The following TBL1X variants were observed in gnomAD, a reference collection of about 807,000 sequenced individuals.
TBL1X encodes F-box-like/WD repeat-containing protein TBL1X.
A neutral mutation model predicts 50.7 loss-of-function variants in TBL1X; 10 were observed. The ratio of observed to expected loss-of-function variants is 0.20; its 90% CI spans 0.12 to 0.33. The LOEUF (loss-of-function observed/expected upper bound fraction) is 0.33, where lower values mean the gene tolerates loss of function less well. TBL1X is among the 10% of genes least tolerant of loss of function. TBL1X has a pLI of 1.00. For synonymous variants in TBL1X, 190 were observed against 214.7 expected, an observed-to-expected ratio of 0.88 and a Z score of 1.01; for missense variants, 340 against 504.4, an observed-to-expected ratio of 0.67 and a Z score of 3.12.
intron 5 of TBL1X, among the ~76,000 whole-genome samples, chrX:9,666,834 T>C (rs1018849030): frequency 1.8e-5 from 2 of 111,898 alleles, no homozygotes; most frequent in African/African-American, 6.5e-5. Context: ...CTACTGAGAA[T>C]TAACATTGTA....
intron 2 of TBL1X, among the ~76,000 whole-genome samples, chrX:9,584,967 T>C (rs1181584482): frequency 9.0e-6 from 1 of 111,448 alleles, no homozygotes; most frequent in African/African-American, 3.3e-5. Context: ...AATTGTACAC[T>C]TGAAAATGGT....
At chrX:9,511,084 A>G (rs1312155392) in intron 2 of TBL1X, among the ~76,000 whole-genome samples, 1 of 112,337 alleles carries the variant, frequency 8.9e-6, no homozygotes, top group Non-Finnish European at 1.9e-5. Context: ...TGTGGCCCAC[A>G]AAGTAGAAAA....
chrX:9,544,666 G>T (rs1016909960), intron 2 of TBL1X, among the ~76,000 whole-genome samples: 1 of 111,349 alleles, frequency 9.0e-6, no homozygotes, highest in Non-Finnish European at 1.9e-5. Context: ...GAGTTCAAGC[G>T]ATTCTCCTGC....
chrX:9,524,698 T>C (rs2083182343), intron 2 of TBL1X, among the ~76,000 whole-genome samples: 1 of 112,461 alleles, frequency 8.9e-6, no homozygotes. Flanking sequence ...TGCACAAATA[T>C]TTCCTTAAGA....
At chrX:9,704,227 T>C (rs908730313) in intron 12 of TBL1X, among the ~76,000 whole-genome samples, 5 of 112,367 alleles carry the variant, frequency 4.4e-5, no homozygotes, top group Non-Finnish European at 1.9e-5. Flanking sequence ...AATTATCCCC[T>C]AGTCAAGGGG....
chrX:9,711,966 C>T (rs745526464), intron 16 of TBL1X, among the ~76,000 whole-genome samples, 190 bp downstream of exon 16: 6 of 112,443 alleles, frequency 5.3e-5, no homozygotes, highest in South Asian at 3.7e-4. Context: ...CAGACACCTC[C>T]GGCAGCTCCC....
intron 2 of TBL1X, among the ~76,000 whole-genome samples, chrX:9,619,218 C>G (rs1307555206): frequency 8.9e-6 from 1 of 112,512 alleles, no homozygotes; most frequent in Non-Finnish European, 1.9e-5. Context: ...CCCCGCAAGT[C>G]TGGCCTGAAC....
chrX:9,567,280 G>A (rs2082356063), intron 2 of TBL1X, among the ~76,000 whole-genome samples: 1 of 111,429 alleles, frequency 9.0e-6, no homozygotes, highest in Non-Finnish European at 1.9e-5. Flanking sequence ...GTGTAGGCTG[G>A]TGCATTGGCG....
At chrX:9,716,110 A>G in intron 17 of TBL1X, 110 bp from the exon 18 acceptor site, 1 of 818,459 alleles carries the variant, frequency 1.2e-6, no homozygotes, top group Non-Finnish European at 1.8e-6. Flanking sequence ...ACTGACAAAC[A>G]TCGGTGGAGG....
intron 2 of TBL1X, among the ~76,000 whole-genome samples, chrX:9,515,751 G>T (rs190881132): frequency 1.9e-3 from 215 of 112,108 alleles, no homozygotes; most frequent in African/African-American, 6.2e-3. Flanking sequence ...TCGATGCCAA[G>T]GAGCCTGTCC....
At chrX:9,616,046 C>T (rs151045693) in intron 2 of TBL1X, among the ~76,000 whole-genome samples, 1,365 of 111,856 alleles carry the variant, frequency 0.012, 12 homozygotes, top group Non-Finnish European at 0.019. Flanking sequence ...ACAAATCTTA[C>T]GTGCTACTGG....
chrX:9,479,985 T>C (rs1169851238), intron 1 of TBL1X, among the ~76,000 whole-genome samples: 2 of 109,142 alleles, frequency 1.8e-5, no homozygotes, highest in South Asian at 3.9e-4. Context: ...AGTTTTGCTC[T>C]TGTTGCCCAG....
intron 1 of TBL1X, among the ~76,000 whole-genome samples, chrX:9,494,914 A>G (rs2081963936): frequency 8.9e-6 from 1 of 112,151 alleles, no homozygotes; most frequent in South Asian, 3.7e-4. Flanking sequence ...ATGCTGTTTC[A>G]TAACCAATGC....
At chrX:9,630,378 G>C (rs867025610) in intron 2 of TBL1X, among the ~76,000 whole-genome samples, 2 of 111,266 alleles carry the variant, frequency 1.8e-5, no homozygotes, top group Admixed American at 1.9e-4. Context: ...GTCATCCCTC[G>C]GTATCTGTGG....
rs185150612 is a variant in TBL1X, at chrX:9,560,995, C to T, written c.-131+59146C>T. On this transcript the variant is annotated intron_variant, in intron 2 of 17. Coordinates refer to ENST00000645353, the MANE Select transcript of TBL1X (RefSeq NM_005647.4). Reference sequence around the variant, plus strand: ...AAGTTGTGACAACCTGAAACATCCCCAGACATTGCTAACTGCCTCTTGGAG... The same window carrying T: ...AAGTTGTGACAACCTGAAACATCCCTAGACATTGCTAACTGCCTCTTGGAG... Among the ~76,000 whole-genome samples, 475 of 111,426 alleles carry T rather than the reference C, an allele frequency of 4.3e-3. 1 individual carries two copies. The highest frequency in any genetic ancestry group is 6.8e-3 in the Non-Finnish European group (360 of 53,039).
chrX:9,677,326 A>AT (rs1408583063), intron 5 of TBL1X, among the ~76,000 whole-genome samples: 1 of 110,547 alleles, frequency 9.0e-6, no homozygotes, highest in Non-Finnish European at 1.9e-5. Flanking sequence ...GAAGTGCTAC[A>AT]TATACGTTTT....
intron 2 of TBL1X, among the ~76,000 whole-genome samples, chrX:9,577,011 A>G (rs2082416039): frequency 9.0e-6 from 1 of 111,372 alleles, no homozygotes; most frequent in South Asian, 3.8e-4. Context: ...AAAAACAAAC[A>G]AACAAAAACA....
chrX:9,696,245 A>G (rs902046594), intron 11 of TBL1X, among the ~76,000 whole-genome samples: 1 of 112,558 alleles, frequency 8.9e-6, no homozygotes, highest in Non-Finnish European at 1.9e-5. Context: ...GGCTAAATTA[A>G]GAAGAGTTAT....
chrX:9,601,398 G>T (rs900855026), intron 2 of TBL1X, among the ~76,000 whole-genome samples: 1 of 111,248 alleles, frequency 9.0e-6, no homozygotes, highest in Admixed American at 9.5e-5. Flanking sequence ...AAGATACAGG[G>T]GTAGCTGTTC....
Sources: gnomAD v4.1 joint callset for allele counts (sites outside exome capture counted in the v4.1 genomes callset) on GRCh38, gnomAD v4.1.1 for gene constraint, MANE v1.5 for transcripts, NCBI Gene and HGNC (gene_info 2026-07-23, HGNC 2026-07-21) for gene names.